Variants in NDUFA10 observed in about 807,000 individuals in gnomAD.
NDUFA10 encodes the protein NADH dehydrogenase [ubiquinone] 1 alpha subcomplex subunit 10, mitochondrial.
Under a neutral mutation model 47.8 loss-of-function variants are expected in NDUFA10, and 40 were observed. That is an observed-to-expected ratio of 0.84 (90% confidence interval 0.65 to 1.09). The LOEUF (loss-of-function observed/expected upper bound fraction) is 1.09, where lower values mean the gene tolerates loss of function less well. NDUFA10 is among the 50% of genes least tolerant of loss of function. The pLI, the probability that NDUFA10 is intolerant of heterozygous loss-of-function variation, is 0.00. For synonymous variants in NDUFA10, 183 were observed against 172.2 expected (o/e 1.06, Z -0.49); for missense variants, 413 against 451.1 (o/e 0.92, Z 0.76).
intron 4 of NDUFA10, among the ~76,000 whole-genome samples, chr2:239,932,828 G>A (rs913090433): frequency 3.9e-5 from 6 of 152,022 alleles, no homozygotes; most frequent in East Asian, 1.9e-4. Flanking sequence ...TGATCCACCC[G>A]CCTCGGCCTC....
intron 4 of NDUFA10, among the ~76,000 whole-genome samples, chr2:239,933,744 C>T (rs527954260): frequency 2.6e-5 from 4 of 151,994 alleles, no homozygotes; most frequent in South Asian, 2.1e-4. Context: ...GGGCCCTGTA[C>T]GGAACGAAGT....
rs540758810 is a variant in NDUFA10, at chr2:239,987,514, A to G, written c.999+2560T>C. Among the ~76,000 whole-genome samples the G allele has an allele frequency of 6.6e-6, 1 of 152,166 alleles. No individual in the cohort carries two copies. Among genetic ancestry groups the G allele is most frequent in the East Asian group, 1.9e-4 (1 of 5,178 alleles). ...TAACAGACCATCATGTTAATAACTT[A>G]CCTTAAATGGTTCAGGAAAAGTTAT... is the stretch of plus-strand genomic sequence containing the variant. On this transcript the variant is annotated intron_variant, in intron 9 of 9. Coordinates refer to ENST00000252711, the MANE Select transcript of NDUFA10 (RefSeq NM_004544.4). The surrounding 1 kb of genome is among the most constrained non-coding windows in gnomAD (Gnocchi z 4.8).
chr2:239,962,100 G>A (rs1481235660), intron 9 of NDUFA10, among the ~76,000 whole-genome samples: 2 of 152,176 alleles, frequency 1.3e-5, no homozygotes, highest in African/African-American at 2.4e-5. Flanking sequence ...CCTCGTTGCG[G>A]AGCCAGGAGA....
chr2:240,002,389 C>T (rs1306634474), intron 8 of NDUFA10, among the ~76,000 whole-genome samples: 3 of 146,760 alleles, frequency 2.0e-5, no homozygotes, highest in Non-Finnish European at 3.0e-5. Context: ...GTTTGTTTTA[C>T]TTTCTAATGG....
chr2:240,011,868 T>A, intron 5 of NDUFA10, 172 bp from the exon 6 acceptor site: 2 of 667,830 alleles, frequency 3.0e-6, no homozygotes, highest in Non-Finnish European at 2.7e-6. Context: ...GCTAGAGTCA[T>A]TCTCCTTCTA....
At chr2:239,922,594 C>A (rs1694007411) in intron 4 of NDUFA10, among the ~76,000 whole-genome samples, 1 of 152,246 alleles carries the variant, frequency 6.6e-6, no homozygotes, top group African/African-American at 2.4e-5. Context: ...AGAGGCTGGG[C>A]ATTGCCATTA....
intron 5 of NDUFA10, chr2:240,012,252 G>A (rs1697173375): frequency 6.2e-6 from 1 of 162,048 alleles, no homozygotes; most frequent in African/African-American, 2.4e-5. Flanking sequence ...CTAATTATGA[G>A]TAGCAAGTTT....
At chr2:240,020,589 C>A (rs1175831469) in intron 3 of NDUFA10, among the ~76,000 whole-genome samples, 1 of 152,196 alleles carries the variant, frequency 6.6e-6, no homozygotes, top group Non-Finnish European at 1.5e-5. Context: ...CCTAACTATA[C>A]TTTCTGATCC....
chr2:239,994,547 T>C (rs1351878075), intron 8 of NDUFA10, among the ~76,000 whole-genome samples: 1 of 152,090 alleles, frequency 6.6e-6, no homozygotes, highest in Non-Finnish European at 1.5e-5. Context: ...TATTTCATTA[T>C]ATATAAGAAT....
intron 4 of NDUFA10, among the ~76,000 whole-genome samples, chr2:239,944,706 C>G (rs772812727): frequency 1.3e-5 from 2 of 152,180 alleles, no homozygotes; most frequent in African/African-American, 2.4e-5. Flanking sequence ...CTGGAGAGTG[C>G]AGCTCGACAG....
chr2:239,950,839 T>G (rs1297252505), intron 4 of NDUFA10, among the ~76,000 whole-genome samples: 1 of 152,192 alleles, frequency 6.6e-6, no homozygotes, highest in Non-Finnish European at 1.5e-5. Context: ...ATTCTGTGAT[T>G]CAAGTAGGTG....
chr2:240,010,101 T>G (rs570222809), intron 6 of NDUFA10, among the ~76,000 whole-genome samples: 26 of 152,244 alleles, frequency 1.7e-4, no homozygotes, highest in Non-Finnish European at 3.7e-4. Flanking sequence ...GGTCTACAAT[T>G]CAGCACTTAA....
At chr2:239,944,348 C>T (rs781350942) in intron 4 of NDUFA10, among the ~76,000 whole-genome samples, 1 of 152,238 alleles carries the variant, frequency 6.6e-6, no homozygotes, top group Non-Finnish European at 1.5e-5. Flanking sequence ...GTCCCCCATG[C>T]TGAGTGTGGC....
At chr2:239,961,547 G>A (rs550205424) in intron 9 of NDUFA10, among the ~76,000 whole-genome samples, 2 of 152,332 alleles carry the variant, frequency 1.3e-5, no homozygotes, top group African/African-American at 4.8e-5. Flanking sequence ...AGACACAGGG[G>A]TGGGGCTGGG....
chr2:240,018,494 T>A, intron 4 of NDUFA10, 59 bp downstream of exon 4: 1 of 1,614,048 alleles, frequency 6.2e-7, no homozygotes, highest in Non-Finnish European at 8.5e-7. Context: ...GGTGAGTCTA[T>A]CACAGCCCTT....
intron 4 of NDUFA10, among the ~76,000 whole-genome samples, chr2:239,896,115 T>C (rs953365145): frequency 2.0e-5 from 3 of 152,250 alleles, no homozygotes; most frequent in Admixed American, 6.5e-5. Flanking sequence ...CACAGTGACC[T>C]GTTCCTGGCC....
intron 4 of NDUFA10, among the ~76,000 whole-genome samples, chr2:239,896,479 A>T (rs1693398630): frequency 6.6e-6 from 1 of 152,206 alleles, no homozygotes; most frequent in South Asian, 2.1e-4. Flanking sequence ...GGACACAGCA[A>T]ATCCAGGGTT....
chr2:240,013,275 T>C (rs1033624180), intron 5 of NDUFA10: 1 of 152,250 alleles, frequency 6.6e-6, no homozygotes, highest in Non-Finnish European at 1.5e-5. Context: ...GATAATGTGA[T>C]GTCTTTTATA....
intron 4 of NDUFA10, among the ~76,000 whole-genome samples, chr2:239,948,332 C>T (rs1694491806): frequency 6.6e-6 from 1 of 152,244 alleles, no homozygotes. Context: ...CAGAGGCTCC[C>T]TGTGGTCTCA....
Sources: gnomAD v4.1 joint callset for allele counts (sites outside exome capture counted in the v4.1 genomes callset) on GRCh38, gnomAD v4.1.1 for gene constraint, Gnocchi (gnomAD v3.1) non-coding constraint, MANE v1.5 for transcripts, NCBI Gene and HGNC (gene_info 2026-07-23, HGNC 2026-07-21) for gene names.